The following LHPP variants were observed in gnomAD, a reference collection of about 807,000 sequenced individuals.
LHPP encodes phospholysine phosphohistidine inorganic pyrophosphate phosphatase, also known as hLHPP.
Under a neutral mutation model 30.3 loss-of-function variants are expected in LHPP, and 24 were observed. The observed-to-expected ratio is 0.79, with a 90% CI of 0.57 to 1.11. LHPP has a LOEUF of 1.11. Among genes scored for constraint, LHPP ranks in the 50% most tolerant of loss-of-function variants. LHPP has a pLI of 0.00. For synonymous variants in LHPP, 150 were observed against 157.1 expected (o/e 0.95, Z 0.34); for missense variants, 356 against 367.2 (o/e 0.97, Z 0.25).
At chr10:124,498,225 G>A (rs74160915) in intron 5 of LHPP, 97 bp downstream of exon 5, 43,507 of 1,487,174 alleles carry the variant, frequency 0.029, 876 homozygotes, top group Middle Eastern at 0.075. Context: ...AGCCTGTGGG[G>A]TTGGCCAGGC....
At chr10:124,491,767 A>C (rs1028848519) in intron 3 of LHPP, among the ~76,000 whole-genome samples, 4 of 146,930 alleles carry the variant, frequency 2.7e-5, no homozygotes, top group Non-Finnish European at 6.1e-5. Flanking sequence ...TCTACTAAAA[A>C]TACAAAAATT....
intron 1 of LHPP, among the ~76,000 whole-genome samples, chr10:124,483,132 A>C (rs918376099): frequency 6.6e-6 from 1 of 152,194 alleles, no homozygotes; most frequent in African/African-American, 2.4e-5. Context: ...GGCCAGTGGC[A>C]GCATCCTGAA....
chr10:124,530,314 C>A (rs1306058047), intron 6 of LHPP, among the ~76,000 whole-genome samples: 3 of 152,170 alleles, frequency 2.0e-5, no homozygotes, highest in Non-Finnish European at 2.9e-5. Flanking sequence ...CAAGAGGGCG[C>A]CTTGCTGCCA....
In LHPP at chr10:124,517,272, G is replaced by A. The variant is rs745797938; in HGVS notation, c.716+1G>A. The stretch of plus-strand genomic sequence containing the variant: ...TGCAGGTGCGCACCGGGAAGTTCAG[G>A]TCAGTGCCAGCTGGAGTCATTTATT... On this transcript the variant is annotated splice_donor_variant, in intron 6 of 6. Transcript: ENST00000368842. LOFTEE classifies it high-confidence loss of function. The surrounding 1 kb of genome is among the most constrained non-coding windows in gnomAD (Gnocchi z 4.1). 1.3e-6 allele frequency: 2 copies of A among 1,584,506 alleles called. No homozygotes were observed. The highest frequency in any genetic ancestry group is 1.7e-6 in the Non-Finnish European group (2 of 1,164,440).
chr10:124,546,417 T>TTTGTTTG lies in LHPP; in HGVS notation c.716+29148_716+29149insGTTTGTT, dbSNP rs1564822639. On this transcript the variant is annotated intron_variant, in intron 6 of 6. Transcript: ENST00000368842. The stretch of plus-strand genomic sequence containing the variant: ...TGTTTTTTTGTTTGTTTGTTTGTTT[T>TTTGTTTG]TTTGAGACGGAGTCTCACTCTGTCG... Among the ~76,000 whole-genome samples, 19 of 152,204 alleles carry TTTGTTTG rather than the reference T, an allele frequency of 1.2e-4. No homozygotes were observed. The South Asian group carries it at 2.7e-3, about 22-fold the overall frequency.
At chr10:124,512,648 A>C (rs1005336855) in intron 5 of LHPP, among the ~76,000 whole-genome samples, 1 of 149,130 alleles carries the variant, frequency 6.7e-6, no homozygotes, top group African/African-American at 2.5e-5. Flanking sequence ...AAGTTTAGGT[A>C]ATGTATTATG....
rs1035955918 is a variant in LHPP, at chr10:124,542,907, G to A, written c.716+25636G>A. 4.6e-5 allele frequency among the ~76,000 whole-genome samples: 7 copies of A among 152,278 alleles called. No individual in the cohort carries two copies. The East Asian group carries it at 1.2e-3, about 25-fold the overall frequency. ...TGAGGGTCCTGCACATCTAGGCCCC[G>A]TCACGGTCGTTCTCCCCGGTCCCTG... On this transcript the variant is annotated intron_variant, in intron 6 of 6. Transcript: ENST00000368842.
At chr10:124,569,017 GT>G (rs1433036836) in intron 6 of LHPP, among the ~76,000 whole-genome samples, 21 of 152,206 alleles carry the variant, frequency 1.4e-4, no homozygotes. Context: ...CGGGCTTGGA[GT>G]GGCCATTGCA....
At chr10:124,475,323 G>A (rs1589762736) in intron 1 of LHPP, among the ~76,000 whole-genome samples, 2 of 151,542 alleles carry the variant, frequency 1.3e-5, no homozygotes, top group African/African-American at 2.4e-5. Context: ...GGCATGAGCC[G>A]GTGGTCAGGA....
chr10:124,526,735 C>G (rs2045184), intron 6 of LHPP, among the ~76,000 whole-genome samples: 47,847 of 152,126 alleles, frequency 0.31, 8,302 homozygotes, highest in Non-Finnish European at 0.39. Flanking sequence ...CACCCACCCA[C>G]CTGAGAGCCT....
At chr10:124,609,366 C>T (rs973983692) in intron 6 of LHPP, among the ~76,000 whole-genome samples, 2 of 152,150 alleles carry the variant, frequency 1.3e-5, no homozygotes, top group Non-Finnish European at 2.9e-5. Context: ...CCTCAGCCTC[C>T]CAAGTAGCTG....
chr10:124,586,381 T>C (rs1256939967), intron 6 of LHPP, among the ~76,000 whole-genome samples: 3 of 152,204 alleles, frequency 2.0e-5, no homozygotes, highest in Non-Finnish European at 4.4e-5. Context: ...CTCTTCCTTC[T>C]GGAGTTGGGA....
At chr10:124,477,792 G>A (rs1399056074) in intron 1 of LHPP, among the ~76,000 whole-genome samples, 1 of 152,168 alleles carries the variant, frequency 6.6e-6, no homozygotes, top group East Asian at 1.9e-4. Flanking sequence ...CACTTTGTGG[G>A]CCAGGCAGCC....
Position 124,541,831 on chromosome 10 carries a change from G to C in LHPP, c.716+24560G>C, listed in dbSNP as rs1197726028. Among the ~76,000 whole-genome samples, 1 of 151,910 alleles carries C rather than the reference G, an allele frequency of 6.6e-6. No individual in the cohort carries two copies. Among genetic ancestry groups the C allele is most frequent in the African/African-American group, 2.4e-5 (1 of 41,356 alleles). On this transcript the variant is annotated intron_variant, in intron 6 of 6. Transcript: ENST00000368842. This position sits in a 1 kb window ranked among gnomAD's most constrained non-coding sequence, Gnocchi z 4.2. ...GAGTGGGCTGGGCGGGCCAGGCCCC[G>C]GCCCAGATGGGGTGACCTTTCCTTC...
chr10:124,546,583 T>C (rs12770020), intron 6 of LHPP, among the ~76,000 whole-genome samples: 21,305 of 152,164 alleles, frequency 0.14, 2,015 homozygotes, highest in Non-Finnish European at 0.2. Flanking sequence ...TTTGTATTTT[T>C]GTATTTTTAG....
intron 6 of LHPP, among the ~76,000 whole-genome samples, chr10:124,587,738 T>TAAAAAAAAAAAAAAAAA (rs747954796): frequency 7.5e-5 from 4 of 53,012 alleles, no homozygotes; most frequent in East Asian, 6.2e-4. Context: ...AGACTCCATC[T>TAAAAAAAAAAAAAAAAA]AAAAAAAAAA....
chr10:124,462,157 C>T (rs1952421725), intron 1 of LHPP, among the ~76,000 whole-genome samples, 170 bp downstream of exon 1: 1 of 152,174 alleles, frequency 6.6e-6, no homozygotes, highest in South Asian at 2.1e-4. Context: ...GACGACCCCA[C>T]TGTTGCCCCC....
In LHPP at chr10:124,609,301, G is replaced by A. The variant is rs1405116720; in HGVS notation, c.717-3963G>A. Among the ~76,000 whole-genome samples the A allele has an allele frequency of 2.0e-5, 3 of 152,334 alleles. No homozygotes were observed. The East Asian group carries it at 5.8e-4, about 29-fold the overall frequency. On this transcript the variant is annotated intron_variant, in intron 6 of 6. Transcript: ENST00000368842. ...TCTGTCACCCAGGTTGGAATGCAGTGGTGTGATCACGGCTCACCACAGCCT... is the reference window on the plus strand; with the variant it reads ...TCTGTCACCCAGGTTGGAATGCAGTAGTGTGATCACGGCTCACCACAGCCT...
intron 5 of LHPP, among the ~76,000 whole-genome samples, chr10:124,509,227 G>T (rs77245390): frequency 0.041 from 6,308 of 152,268 alleles, 258 homozygotes; most frequent in East Asian, 0.11. Flanking sequence ...GGGGACAGCT[G>T]TCTTTGTGCT....
Sources: allele counts gnomAD v4.1 joint callset (sites outside exome capture counted in the v4.1 genomes callset), GRCh38; gene constraint gnomAD v4.1.1; non-coding constraint Gnocchi (gnomAD v3.1); transcripts MANE v1.5; gene names NCBI Gene and HGNC (gene_info 2026-07-23, HGNC 2026-07-21).